The following MLLT6 variants were observed in gnomAD, a reference collection of about 807,000 sequenced individuals.
The protein encoded by MLLT6 is MLLT6, PHD finger containing.
Under a neutral mutation model 103.0 loss-of-function variants are expected in MLLT6, and 22 were observed. The ratio of observed to expected loss-of-function variants is 0.21; its 90% CI spans 0.15 to 0.31. The LOEUF is 0.31. Ranked by LOEUF, MLLT6 falls within the 10% of genes least tolerant of loss-of-function variation. The probability of loss-of-function intolerance (pLI) is 1.00; values close to 1 mark genes in which losing one functional copy is unlikely to be tolerated. For synonymous variants in MLLT6, 606 were observed against 623.5 expected (o/e 0.97, Z 0.42); for missense variants, 1,199 against 1,441.7 (o/e 0.83, Z 2.73).
intron 9 of MLLT6, 58 bp downstream of exon 9, chr17:38,715,886 T>C (rs1423782363): frequency 1.4e-6 from 2 of 1,455,434 alleles, no homozygotes; most frequent in East Asian, 4.9e-5. Flanking sequence ...GTCCTGAGCT[T>C]TTCTGGCAAG....
Position 38,716,796 on chromosome 17 carries a change from G to T in MLLT6, c.1466G>T (p.Gly489Val). ...CCCAAGGGCAGCCGGAACAAGGAGG[G>T]CACTGGGGGCCCAGCTGCCCCATCC... ...GRPKGSRNKEGTGGPAAPSLP... is the reference protein window; with the variant it reads ...GRPKGSRNKEVTGGPAAPSLP... Residue 489 changes from glycine to valine, a missense_variant, in exon 10 of 20, where the codon GGC (glycine) becomes GTC (valine). Gly to Val is a moderately radical substitution (Grantham distance 109). Coordinates refer to ENST00000621332, the MANE Select transcript of MLLT6 (RefSeq NM_005937.4). This position sits in a 1 kb window ranked among gnomAD's most constrained non-coding sequence, Gnocchi z 5.6. 6.2e-7 allele frequency: 1 copy of T among 1,611,218 alleles called. No individual in the cohort carries two copies. The highest frequency in any genetic ancestry group is 1.1e-5 in the South Asian group (1 of 90,628).
In MLLT6 at chr17:38,720,712, C is replaced by G; in HGVS notation, c.2407C>G (p.Leu803Val). The change falls in exon 16 of 20, where the codon CTC (leucine) becomes GTC (valine). Residue 803 changes from leucine to valine, a missense_variant. By Grantham distance (32) the Leu-to-Val change is conservative. Coordinates refer to ENST00000621332, the MANE Select transcript of MLLT6 (RefSeq NM_005937.4). ...CAAGAGCCCTCCGGGAAAGAGCAGC[C>G]TCGGCCTGGACAACTCGCTGTCCAC... ...TSKSPPGKSSLGLDNSLSTSS... is the reference protein window; with the variant it reads ...TSKSPPGKSSVGLDNSLSTSS... 6.2e-7 allele frequency: 1 copy of G among 1,613,912 alleles called. No individual in the cohort carries two copies. The highest frequency in any genetic ancestry group is 8.5e-7 in the Non-Finnish European group (1 of 1,180,042).
chr17:38,728,649 A>G lies in MLLT6; in HGVS notation c.*3051A>G, dbSNP rs867926028. 5 of 233,786 alleles carry G rather than the reference A, an allele frequency of 2.1e-5. No homozygotes were observed. Among genetic ancestry groups the G allele is most frequent in the Non-Finnish European group, 3.4e-5 (4 of 118,194 alleles). 14.5% of individuals were successfully genotyped at this position (233,786 alleles called of 1,614,324 possible). A position where few individuals can be genotyped will look rare whatever the true frequency, so the allele number is the denominator to read the frequency against. On this transcript the variant is annotated 3_prime_UTR_variant, in exon 20 of 20. Coordinates refer to ENST00000621332, the MANE Select transcript of MLLT6 (RefSeq NM_005937.4). ...GCCAGCTCCTCCCATCACAGATGACAGCTCCAAGCCTAGAAGGGGCTCAGT... is the reference window on the plus strand; with the variant it reads ...GCCAGCTCCTCCCATCACAGATGACGGCTCCAAGCCTAGAAGGGGCTCAGT...
chr17:38,709,174 C>T lies in MLLT6; in HGVS notation c.356C>T (p.Thr119Ile), dbSNP rs775205911. Residue 119 changes from threonine (T) to isoleucine (I), a missense_variant and splice_region_variant, in exon 5 of 20, where the codon ACC (threonine) becomes ATC (isoleucine). Around this residue, in one of 7 missense-constraint regions of MLLT6, gnomAD observed 59 missense variants for 135.1 expected, o/e 0.44. Transcript: ENST00000621332. The surrounding 1 kb of genome is among the most constrained non-coding windows in gnomAD (Gnocchi z 4.3). Reference sequence around the variant, plus strand: ...GGACGATTGCGCTGTGTCCTGCAGACCTGTTACATCTGCGAGGAGCAGGGC... The same window carrying T: ...GGACGATTGCGCTGTGTCCTGCAGATCTGTTACATCTGCGAGGAGCAGGGC... ...QYVPHDRFNK[T>I]CYICEEQGRE... is the part of the protein sequence containing the mutation. The T allele has an allele frequency of 3.1e-6, 5 of 1,610,252 alleles. No homozygotes were observed. The highest frequency in any genetic ancestry group is 2.2e-5 in the East Asian group (1 of 44,870).
At chr17:38,712,044 C>G (rs1215788041) in intron 7 of MLLT6, 30 bp downstream of exon 7, 3 of 1,518,656 alleles carry the variant, frequency 2.0e-6, no homozygotes, top group African/African-American at 2.8e-5. Context: ...TGCCATCACT[C>G]CCACACGGGG....
Position 38,725,818 on chromosome 17 carries a change from T to C in MLLT6, c.*220T>C. Reference sequence around the variant, plus strand: ...CCTTCCCTTTCCGCACTGTCCGCTTTGTGAGGCTCAGAGGAAGGACAGTCT... The same window carrying C: ...CCTTCCCTTTCCGCACTGTCCGCTTCGTGAGGCTCAGAGGAAGGACAGTCT... On this transcript the variant is annotated 3_prime_UTR_variant, in exon 20 of 20. Transcript: ENST00000621332. 1 of 507,832 alleles carries C rather than the reference T, an allele frequency of 2.0e-6. No individual in the cohort carries two copies. The highest frequency in any genetic ancestry group is 3.4e-6 in the Non-Finnish European group (1 of 292,710). The allele number at this position is 507,832 out of a possible 1,614,324, so 31.5% of individuals were successfully genotyped here. A position where few individuals can be genotyped will look rare whatever the true frequency, so the allele number is the denominator to read the frequency against.
At position 38,709,106 on chromosome 17, in the gene MLLT6, TG is replaced by T; in HGVS notation, c.355-65del. ...TAGAGAGCAAATGGAATGGAGGGGG[TG>T]GCCTAAGGACCATCAGTAGAACAGG... is the stretch of plus-strand genomic sequence containing the variant. On this transcript the variant is annotated intron_variant, in intron 4 of 19. Coordinates refer to ENST00000621332, the MANE Select transcript of MLLT6 (RefSeq NM_005937.4). The surrounding 1 kb of genome is among the most constrained non-coding windows in gnomAD (Gnocchi z 4.3). The T allele has an allele frequency of 8.8e-7, 1 of 1,135,896 alleles. No homozygotes were observed. The highest frequency in any genetic ancestry group is 1.3e-6 in the Non-Finnish European group (1 of 771,504). 70.4% of individuals were successfully genotyped at this position (1,135,896 alleles called of 1,614,324 possible). A position where few individuals can be genotyped will look rare whatever the true frequency, so the allele number is the denominator to read the frequency against.
At position 38,709,676 on chromosome 17, in the gene MLLT6, CAG is replaced by C. The variant is rs145671783; in HGVS notation, c.552+106_552+107del. 2.2e-6 allele frequency: 2 copies of C among 893,998 alleles called. No individual in the cohort carries two copies. The highest frequency in any genetic ancestry group is 2.6e-5 in the East Asian group (1 of 39,136). The allele number at this position is 893,998 out of a possible 1,614,324, so 55.4% of individuals were successfully genotyped here. On this transcript the variant is annotated intron_variant, in intron 6 of 19. Coordinates refer to ENST00000621332, the MANE Select transcript of MLLT6 (RefSeq NM_005937.4). The surrounding 1 kb of genome is among the most constrained non-coding windows in gnomAD (Gnocchi z 4.3). ...AGGCCAGTGCCTGGTGCTAGGAGGA[CAG>C]AGAGGGAAAAAACCCAGTCCCTGCC...
intron 19 of MLLT6, 29 bp downstream of exon 19, chr17:38,725,005 C>T (rs1168603639): frequency 2.1e-6 from 3 of 1,421,594 alleles, no homozygotes; most frequent in Admixed American, 2.3e-5. Flanking sequence ...GCCTTCCTGC[C>T]TCCCCTCTGA....
intron 19 of MLLT6, chr17:38,725,254 C>T (rs1905962574): frequency 1.9e-6 from 1 of 532,952 alleles, no homozygotes; most frequent in Non-Finnish European, 3.3e-6. Context: ...TTTTGTTTCT[C>T]ATCCGACCAA....
intron 8 of MLLT6, chr17:38,713,832 C>T (rs1905226813): frequency 6.6e-6 from 1 of 152,462 alleles, no homozygotes; most frequent in African/African-American, 2.4e-5. Flanking sequence ...CCCTTGCTCT[C>T]AGAACCACAT....
At chr17:38,719,996 C>G in intron 14 of MLLT6, 101 bp downstream of exon 14, 2 of 1,426,920 alleles carry the variant, frequency 1.4e-6, no homozygotes, top group East Asian at 2.5e-5. Flanking sequence ...GCCCTTAGGC[C>G]CCGCCCCAGC....
At position 38,726,214 on chromosome 17, in the gene MLLT6, A is replaced by G. The variant is rs1026298956; in HGVS notation, c.*616A>G. ...ATCACACTCAGCCCCAGCCTCCTCA[A>G]CCTCTTGGGGCCCCGTGATGGGGAG... On this transcript the variant is annotated 3_prime_UTR_variant, in exon 20 of 20. Coordinates refer to ENST00000621332, the MANE Select transcript of MLLT6 (RefSeq NM_005937.4). 1.7e-5 allele frequency: 4 copies of G among 233,720 alleles called. No homozygotes were observed. The highest frequency in any genetic ancestry group is 8.8e-5 in the African/African-American group (4 of 45,300). The allele number at this position is 233,720 out of a possible 1,614,324, so 14.5% of individuals were successfully genotyped here. A position where few individuals can be genotyped will look rare whatever the true frequency, so the allele number is the denominator to read the frequency against.
intron 18 of MLLT6, among the ~76,000 whole-genome samples, chr17:38,723,449 G>C (rs955033495): frequency 6.6e-6 from 1 of 152,076 alleles, no homozygotes; most frequent in Non-Finnish European, 1.5e-5. Context: ...CTGAGATGGC[G>C]CCAATACACT....
chr17:38,712,562 C>T, intron 7 of MLLT6, 129 bp from the exon 8 acceptor site: 2 of 664,658 alleles, frequency 3.0e-6, no homozygotes, highest in South Asian at 3.5e-5. Context: ...ATCCAGCCCT[C>T]CTCAGGGAGA....
Position 38,711,951 on chromosome 17 carries a change from G to T in MLLT6, c.657G>T (p.Arg219=). The T allele has an allele frequency of 1.2e-6, 2 of 1,609,640 alleles. No homozygotes were observed. ...GTTTCATCTCTGGGAGGAGAAGCCG[G>T]TCAGCCTCACCATCCACGCAGCAGG... The part of the protein sequence containing the change: ...GSGFISGRRS[R]SASPSTQQEK... Residue 219 remains arginine, a synonymous_variant, in exon 7 of 20, where the codon CGG becomes CGT. Transcript: ENST00000621332.
Position 38,711,967 on chromosome 17 carries a change from A to G in MLLT6, c.673A>G (p.Thr225Ala), listed in dbSNP as rs1905156618. 2 of 1,608,658 alleles carry G rather than the reference A, an allele frequency of 1.2e-6. No homozygotes were observed. Among genetic ancestry groups the G allele is most frequent in the African/African-American group, 1.3e-5 (1 of 74,736 alleles). The change falls in exon 7 of 20, where the codon ACG (threonine) becomes GCG (alanine). Residue 225 changes from threonine to alanine, a missense_variant. Physicochemically the swap from Thr to Ala is moderately conservative, Grantham distance 58 (BLOSUM62 0). Around this residue, in one of 7 missense-constraint regions of MLLT6, gnomAD observed 1,034 missense variants for 1,091.5 expected, o/e 0.95. Coordinates refer to ENST00000621332, the MANE Select transcript of MLLT6 (RefSeq NM_005937.4). ...GRRSRSASPS[T>A]QQEKHPTHHE... ...GAGAAGCCGGTCAGCCTCACCATCCACGCAGCAGGAGAAGCACCCCACCCA... is the reference window on the plus strand; with the variant it reads ...GAGAAGCCGGTCAGCCTCACCATCCGCGCAGCAGGAGAAGCACCCCACCCA...
In MLLT6 at chr17:38,717,830, A is replaced by G. The variant is rs371417643; in HGVS notation, c.1834-15A>G. ...CCAAGAATAACCGCCAGGGGATTCTACCTCCCTCCCTTAGGTGTTTTCTCT... is the reference window on the plus strand; with the variant it reads ...CCAAGAATAACCGCCAGGGGATTCTGCCTCCCTCCCTTAGGTGTTTTCTCT... On this transcript the variant is annotated splice_polypyrimidine_tract_variant and intron_variant, in intron 11 of 19. Transcript: ENST00000621332. 9 of 1,570,056 alleles carry G rather than the reference A, an allele frequency of 5.7e-6. No homozygotes were observed. The highest frequency in any genetic ancestry group is 4.4e-5 in the South Asian group (4 of 89,890).
intron 14 of MLLT6, among the ~76,000 whole-genome samples, 162 bp downstream of exon 14, chr17:38,720,057 C>G (rs941386414): frequency 2.0e-5 from 3 of 152,130 alleles, no homozygotes; most frequent in African/African-American, 7.2e-5. Context: ...CCAGGCCACA[C>G]GACCGGCCCT....
Sources: gnomAD v4.1 joint callset for allele counts (sites outside exome capture counted in the v4.1 genomes callset) on GRCh38, gnomAD v4.1.1 for gene constraint, gnomAD v4.1.1 regional missense constraint, Gnocchi (gnomAD v3.1) non-coding constraint, MANE v1.5 for transcripts, NCBI Gene and HGNC (gene_info 2026-07-23, HGNC 2026-07-21) for gene names.